The following ST6GALNAC3 variants were observed in gnomAD, a reference collection of about 807,000 sequenced individuals.
ST6GALNAC3 encodes the protein ST6 N-acetylgalactosaminide alpha-2,6-sialyltransferase 3, also known as alpha-N-acetylgalactosaminide alpha-2,6-sialyltransferase 3.
Under a neutral mutation model 32.7 loss-of-function variants are expected in ST6GALNAC3, and 25 were observed. That is an observed-to-expected ratio of 0.76 (90% confidence interval 0.56 to 1.07). The LOEUF (loss-of-function observed/expected upper bound fraction) is 1.07, where lower values mean the gene tolerates loss of function less well. Ranked by LOEUF, ST6GALNAC3 falls within the 50% of genes least tolerant of loss-of-function variation. The pLI, the probability that ST6GALNAC3 is intolerant of heterozygous loss-of-function variation, is 0.00. For synonymous variants in ST6GALNAC3, 129 were observed against 133.1 expected (o/e 0.97, Z 0.21); for missense variants, 355 against 382.4 (o/e 0.93, Z 0.60).
chr1:76,360,747 A>G (rs559061065), intron 2 of ST6GALNAC3, among the ~76,000 whole-genome samples: 1 of 152,324 alleles, frequency 6.6e-6, no homozygotes, highest in African/African-American at 2.4e-5. Flanking sequence ...TTCATACATA[A>G]TAAGTAGGTT....
At chr1:76,419,944 C>CTT (rs66531652) in intron 3 of ST6GALNAC3, among the ~76,000 whole-genome samples, 1,606 of 138,800 alleles carry the variant, frequency 0.012, 28 homozygotes, top group African/African-American at 0.033. Context: ...TTCTTTCTTT[C>CTT]TTTTTTTTTT....
chr1:76,224,117 C>A (rs758212196), intron 1 of ST6GALNAC3, among the ~76,000 whole-genome samples: 1 of 152,184 alleles, frequency 6.6e-6, no homozygotes, highest in Non-Finnish European at 1.5e-5. Context: ...ACTTCTCTGC[C>A]TTTGAACCTG....
chr1:76,201,615 A>G (rs1015875014), intron 1 of ST6GALNAC3, among the ~76,000 whole-genome samples: 14 of 152,172 alleles, frequency 9.2e-5, no homozygotes, highest in African/African-American at 3.4e-4. Flanking sequence ...TTCCCTGCTT[A>G]GGAAGTCAGA....
At chr1:76,516,309 C>T (rs1662170939) in intron 3 of ST6GALNAC3, among the ~76,000 whole-genome samples, 1 of 152,054 alleles carries the variant, frequency 6.6e-6, no homozygotes, top group African/African-American at 2.4e-5. Context: ...TGTGTGTATA[C>T]ATATATTATA....
At chr1:76,267,784 A>G (rs1364396824) in intron 1 of ST6GALNAC3, among the ~76,000 whole-genome samples, 1 of 152,240 alleles carries the variant, frequency 6.6e-6, no homozygotes, top group Non-Finnish European at 1.5e-5. Flanking sequence ...AGCAGCTGAT[A>G]TTCTGTAAAT....
At chr1:76,252,211 G>A (rs1174030853) in intron 1 of ST6GALNAC3, among the ~76,000 whole-genome samples, 1 of 152,124 alleles carries the variant, frequency 6.6e-6, no homozygotes, top group East Asian at 1.9e-4. Flanking sequence ...TGGCTGTATT[G>A]TAATAGTCAC....
chr1:76,451,769 C>T (rs1487153556), intron 3 of ST6GALNAC3, among the ~76,000 whole-genome samples: 2 of 152,146 alleles, frequency 1.3e-5, no homozygotes, highest in Non-Finnish European at 2.9e-5. Context: ...ATTAATTTTG[C>T]ATCCTGAAGC....
At position 76,247,844 on chromosome 1, in the gene ST6GALNAC3, C is replaced by T. The variant is rs564203058; in HGVS notation, c.19-65961C>T. 2.2e-4 allele frequency among the ~76,000 whole-genome samples: 34 copies of T among 151,986 alleles called. No individual in the cohort carries two copies. In the South Asian group the frequency reaches 4.8e-3, roughly 22 times the overall value. On this transcript the variant is annotated intron_variant, in intron 1 of 4. Transcript: ENST00000328299. Reference sequence around the variant, plus strand: ...AGGGGAGTGGACTGTTCTCCTGTCTCGGTGGGTTTCCAGATGCCACTGGGA... The same window carrying T: ...AGGGGAGTGGACTGTTCTCCTGTCTTGGTGGGTTTCCAGATGCCACTGGGA...
chr1:76,351,473 CTG>C (rs1020185420), intron 2 of ST6GALNAC3, among the ~76,000 whole-genome samples: 2 of 151,986 alleles, frequency 1.3e-5, no homozygotes, highest in African/African-American at 4.8e-5. Context: ...ATATGGAGAT[CTG>C]TGATATACTT....
At chr1:76,162,960 G>A (rs183539495) in intron 1 of ST6GALNAC3, among the ~76,000 whole-genome samples, 184 of 152,290 alleles carry the variant, frequency 1.2e-3, no homozygotes, top group Admixed American at 9.2e-3. Flanking sequence ...CTCAGAGACC[G>A]GAGAGCATGC....
intron 2 of ST6GALNAC3, among the ~76,000 whole-genome samples, chr1:76,392,902 G>A (rs543073903): frequency 6.6e-6 from 1 of 152,154 alleles, no homozygotes; most frequent in Non-Finnish European, 1.5e-5. Context: ...TTTAGCCCTA[G>A]CTGCTTCAAT....
At chr1:76,461,230 C>T (rs1244425116) in intron 3 of ST6GALNAC3, among the ~76,000 whole-genome samples, 1 of 152,126 alleles carries the variant, frequency 6.6e-6, no homozygotes, top group African/African-American at 2.4e-5. Flanking sequence ...AATCCTCTAA[C>T]TATGCAAAAC....
intron 1 of ST6GALNAC3, among the ~76,000 whole-genome samples, chr1:76,118,916 G>C (rs998961741): frequency 6.6e-6 from 1 of 152,080 alleles, no homozygotes; most frequent in Non-Finnish European, 1.5e-5. Flanking sequence ...TCTGTCTCCC[G>C]GGTTCAAGCA....
chr1:76,251,000 C>T (rs2992635), intron 1 of ST6GALNAC3, among the ~76,000 whole-genome samples: 26,542 of 152,056 alleles, frequency 0.17, 2,653 homozygotes, highest in Non-Finnish European at 0.23. Flanking sequence ...TTCTTCTGGG[C>T]TTCATCCTGA....
chr1:76,559,757 A>C (rs1665138002), intron 3 of ST6GALNAC3, among the ~76,000 whole-genome samples: 1 of 152,186 alleles, frequency 6.6e-6, no homozygotes, highest in Non-Finnish European at 1.5e-5. Flanking sequence ...TGCAAGAGGC[A>C]CTGAAGAGGC....
intron 1 of ST6GALNAC3, among the ~76,000 whole-genome samples, chr1:76,240,698 C>T (rs986942904): frequency 1.3e-5 from 2 of 152,174 alleles, no homozygotes; most frequent in Non-Finnish European, 2.9e-5. Context: ...GAGCCAATTG[C>T]CTCCCACAAC....
Position 76,520,302 on chromosome 1 carries a change from G to A in ST6GALNAC3, c.624-107150G>A, listed in dbSNP as rs1000677694. 1.1e-4 allele frequency among the ~76,000 whole-genome samples: 17 copies of A among 152,236 alleles called. No homozygotes were observed. The East Asian group carries it at 3.1e-3, about 28-fold the overall frequency. ...AGACACATAAAGGGCCCCTCTATAA[G>A]GATAGGTCATAGCCTCTTGTATTGG... is the stretch of plus-strand genomic sequence containing the variant. On this transcript the variant is annotated intron_variant, in intron 3 of 4. Coordinates refer to ENST00000328299, the MANE Select transcript of ST6GALNAC3 (RefSeq NM_152996.4).
At chr1:76,461,154 T>C (rs1251169750) in intron 3 of ST6GALNAC3, among the ~76,000 whole-genome samples, 1 of 152,226 alleles carries the variant, frequency 6.6e-6, no homozygotes, top group Non-Finnish European at 1.5e-5. Context: ...TTCCACTTTA[T>C]TCTCCTCACG....
At chr1:76,099,792 T>A (rs903683494) in intron 1 of ST6GALNAC3, among the ~76,000 whole-genome samples, 1 of 152,186 alleles carries the variant, frequency 6.6e-6, no homozygotes, top group Admixed American at 6.5e-5. Flanking sequence ...AAATAAATAA[T>A]ACTTTATTAA....
Sources: allele counts gnomAD v4.1 joint callset (sites outside exome capture counted in the v4.1 genomes callset), GRCh38; gene constraint gnomAD v4.1.1; transcripts MANE v1.5; gene names NCBI Gene and HGNC (gene_info 2026-07-23, HGNC 2026-07-21).